The following STT3B variants were observed in gnomAD, a reference collection of about 807,000 sequenced individuals.
STT3B encodes STT3 oligosaccharyltransferase complex catalytic subunit B.
In STT3B, 29 loss-of-function variants were observed where a neutral mutation model predicts 96.8. The ratio of observed to expected loss-of-function variants is 0.30; its 90% CI spans 0.22 to 0.41. STT3B has a LOEUF of 0.41. STT3B is among the 10% of genes least tolerant of loss of function. The pLI, the probability that STT3B is intolerant of heterozygous loss-of-function variation, is 1.00. For missense variants in STT3B, 640 were observed against 1,022.3 expected (o/e 0.63, Z 5.10); for synonymous variants, 367 against 360.0 (o/e 1.02, Z -0.22).
chr3:31,597,985 G>A (rs1698832457), intron 4 of STT3B, among the ~76,000 whole-genome samples: 1 of 151,684 alleles, frequency 6.6e-6, no homozygotes, highest in Admixed American at 6.6e-5. Context: ...GCAGATGTGT[G>A]CCACTATGCC....
At chr3:31,588,624 G>A (rs1698599055) in intron 3 of STT3B, among the ~76,000 whole-genome samples, 1 of 151,930 alleles carries the variant, frequency 6.6e-6, no homozygotes, top group Admixed American at 6.6e-5. Context: ...TTTTTCCAGT[G>A]TTGTTTTCTA....
intron 5 of STT3B, among the ~76,000 whole-genome samples, chr3:31,611,528 TC>T (rs1699179961): frequency 6.6e-6 from 1 of 152,156 alleles, no homozygotes; most frequent in Non-Finnish European, 1.5e-5. Context: ...AGATGGAGTT[TC>T]GCTTTTGTTG....
intron 1 of STT3B, among the ~76,000 whole-genome samples, chr3:31,572,947 A>G (rs1698192775): frequency 6.6e-6 from 1 of 152,222 alleles, no homozygotes; most frequent in South Asian, 2.1e-4. Flanking sequence ...CTATTTGAAT[A>G]GATATTAAGG....
intron 1 of STT3B, among the ~76,000 whole-genome samples, chr3:31,544,923 C>G (rs1204744718): frequency 6.6e-6 from 1 of 151,952 alleles, no homozygotes; most frequent in Non-Finnish European, 1.5e-5. Flanking sequence ...GGTGACAGAG[C>G]AAGACTCTGT....
intron 15 of STT3B, among the ~76,000 whole-genome samples, chr3:31,634,921 A>G (rs371394231): frequency 3.9e-5 from 6 of 152,328 alleles, no homozygotes; most frequent in African/African-American, 1.4e-4. Flanking sequence ...CAGTTTAACA[A>G]TAAGGTAATA....
In STT3B at chr3:31,616,914, C is replaced by A; in HGVS notation, c.977-15C>A. The A allele has an allele frequency of 6.3e-7, 1 of 1,585,286 alleles. No individual in the cohort carries two copies. Among genetic ancestry groups the A allele is most frequent in the Non-Finnish European group, 8.6e-7 (1 of 1,163,668 alleles). ...AAACTGCTTTGTTGATTATGTGACC[C>A]TTTTCTTTAATTAGGTGTCTTTGCA... On this transcript the variant is annotated splice_polypyrimidine_tract_variant and intron_variant, in intron 6 of 15. Coordinates refer to ENST00000295770, the MANE Select transcript of STT3B (RefSeq NM_178862.3).
chr3:31,564,957 G>T (rs1697965618), intron 1 of STT3B, among the ~76,000 whole-genome samples: 1 of 152,146 alleles, frequency 6.6e-6, no homozygotes, highest in South Asian at 2.1e-4. Context: ...AATAATTATG[G>T]TGATAATAAT....
In STT3B at chr3:31,626,054, A is replaced by C; in HGVS notation, c.2000A>C (p.Tyr667Ser). The C allele has an allele frequency of 6.2e-7, 1 of 1,613,882 alleles. No individual in the cohort carries two copies. The highest frequency in any genetic ancestry group is 8.5e-7 in the Non-Finnish European group (1 of 1,179,874). Residue 667 changes from tyrosine to serine, a missense_variant, in exon 13 of 16, where the codon TAT (tyrosine) becomes TCT (serine). Tyr to Ser is a moderately radical substitution (Grantham distance 144). This residue lies in a region of STT3B where 149 missense variants were observed against 250.2 expected (regional missense o/e 0.60). Transcript: ENST00000295770. ...GTTATTTTTGGAGGGGTTATTGGCTATTCTGGTGATGATATCAACAAATTT... is the reference window on the plus strand; with the variant it reads ...GTTATTTTTGGAGGGGTTATTGGCTCTTCTGGTGATGATATCAACAAATTT... ...VLVIFGGVIGYSGDDINKFLW... is the reference protein window; with the variant it reads ...VLVIFGGVIGSSGDDINKFLW...
chr3:31,621,949 G>T (rs535043073), intron 9 of STT3B, 148 bp from the exon 10 acceptor site: 26 of 606,586 alleles, frequency 4.3e-5, no homozygotes, highest in Non-Finnish European at 3.2e-5. Flanking sequence ...TAATTAATCA[G>T]TTGTTCAGTA....
chr3:31,601,072 T>A (rs953948105), intron 5 of STT3B, among the ~76,000 whole-genome samples: 7 of 152,184 alleles, frequency 4.6e-5, no homozygotes, highest in Non-Finnish European at 1.0e-4. Flanking sequence ...ATTATAATAA[T>A]GTTTTTGGAA....
At chr3:31,602,178 T>C (rs947384050) in intron 5 of STT3B, among the ~76,000 whole-genome samples, 1 of 152,162 alleles carries the variant, frequency 6.6e-6, no homozygotes, top group South Asian at 2.1e-4. Context: ...ACCAAATCTG[T>C]GTGCCTCTCG....
chr3:31,588,226 A>G (rs192725883), intron 3 of STT3B, among the ~76,000 whole-genome samples: 5 of 152,198 alleles, frequency 3.3e-5, no homozygotes, highest in Admixed American at 6.5e-5. Flanking sequence ...ACTCTGTTTA[A>G]TAAGATAGTC....
intron 5 of STT3B, 85 bp from the exon 6 acceptor site, chr3:31,615,020 A>T: frequency 2.7e-6 from 2 of 745,910 alleles, no homozygotes; most frequent in Non-Finnish European, 4.3e-6. Context: ...ATACTTTGCT[A>T]AAAACAGGAT....
At chr3:31,614,715 T>TGTGTG (rs1699265707) in intron 5 of STT3B, among the ~76,000 whole-genome samples, 2 of 78,074 alleles carry the variant, frequency 2.6e-5, no homozygotes, top group Non-Finnish European at 7.1e-5. Context: ...GTGATGAGTA[T>TGTGTG]TAAGTCGTGT....
intron 14 of STT3B, among the ~76,000 whole-genome samples, 183 bp downstream of exon 14, chr3:31,629,594 A>G (rs77867311): frequency 0.04 from 6,024 of 152,286 alleles, 160 homozygotes; most frequent in South Asian, 0.074. Context: ...TTAGAAAATA[A>G]AATTTTAGAT....
intron 3 of STT3B, among the ~76,000 whole-genome samples, chr3:31,594,435 G>C (rs1299959907): frequency 1.4e-5 from 2 of 147,522 alleles, no homozygotes. Flanking sequence ...ACCCCCTCAA[G>C]GTTTTTTTTT....
chr3:31,571,815 G>A (rs985332766), intron 1 of STT3B, among the ~76,000 whole-genome samples: 1 of 151,410 alleles, frequency 6.6e-6, no homozygotes, highest in South Asian at 2.1e-4. Context: ...CTGGGAATTT[G>A]CATGAATGAA....
At chr3:31,604,201 T>C (rs774027861) in intron 5 of STT3B, among the ~76,000 whole-genome samples, 12 of 152,138 alleles carry the variant, frequency 7.9e-5, no homozygotes, top group Non-Finnish European at 1.5e-4. Context: ...TAGATGATAT[T>C]TGCTGGGAAC....
chr3:31,624,323 GGTA>G (rs1429735614), intron 11 of STT3B, among the ~76,000 whole-genome samples: 86 of 152,166 alleles, frequency 5.7e-4, no homozygotes, highest in African/African-American at 1.8e-3. Flanking sequence ...TGGTGCCATG[GGTA>G]GTAATCATTG....
Sources: allele counts gnomAD v4.1 joint callset (sites outside exome capture counted in the v4.1 genomes callset), GRCh38; gene constraint gnomAD v4.1.1; regional missense constraint gnomAD v4.1.1; transcripts MANE v1.5; gene names NCBI Gene and HGNC (gene_info 2026-07-23, HGNC 2026-07-21).